The following SPHKAP variants were observed in gnomAD, a reference collection of about 807,000 sequenced individuals.
SPHKAP encodes A-kinase anchor protein SPHKAP.
A neutral mutation model predicts 137.5 loss-of-function variants in SPHKAP; 67 were observed. That is an observed-to-expected ratio of 0.49 (90% CI 0.40 to 0.60). SPHKAP has a LOEUF of 0.60. SPHKAP is among the 20% of genes least tolerant of loss of function. The probability of loss-of-function intolerance (pLI) is 0.00; values close to 1 mark genes in which losing one functional copy is unlikely to be tolerated. For missense variants in SPHKAP, 2,097 were observed against 2,069.3 expected (o/e 1.01, Z -0.26); for synonymous variants, 813 against 785.3 (o/e 1.04, Z -0.59).
chr2:228,121,064 G>T (rs1031781479), intron 2 of SPHKAP, among the ~76,000 whole-genome samples: 7 of 152,156 alleles, frequency 4.6e-5, no homozygotes, highest in Admixed American at 4.6e-4. Context: ...TATATGAAGT[G>T]CGTGAAAGCC....
chr2:227,983,450 G>C (rs2106148914), intron 11 of SPHKAP, among the ~76,000 whole-genome samples: 1 of 152,246 alleles, frequency 6.6e-6, no homozygotes, highest in Middle Eastern at 3.4e-3. Context: ...TTGTGAAAAG[G>C]GAGACAGATG....
In SPHKAP at chr2:228,018,936, G is replaced by A. The variant is rs372529563; in HGVS notation, c.1918C>T (p.Leu640=). 130 of 1,614,030 alleles carry A rather than the reference G, an allele frequency of 8.1e-5. 1 individual carries two copies. The highest frequency in any genetic ancestry group is 1.1e-4 in the Non-Finnish European group (126 of 1,180,018). The change falls in exon 7 of 12, where the codon CTG becomes TTG. Residue 640 remains leucine, a synonymous_variant. Transcript: ENST00000392056. The stretch of plus-strand genomic sequence containing the variant: ...ATGATTCTCCTGTTCATGGAGTCCA[G>A]AAAGTCTCCAATGCTGCTGTAGGTA... ...PNTYSSIGDF[L]DSMNRRIMET... is the part of the protein sequence containing the mutation.
At chr2:228,172,976 A>G in intron 1 of SPHKAP, 1 of 920,644 alleles carries the variant, frequency 1.1e-6, no homozygotes, top group Non-Finnish European at 1.3e-6. Flanking sequence ...GCTTAGAAGT[A>G]CAATTGGAAA....
At chr2:227,991,411 T>A (rs1693410740) in intron 9 of SPHKAP, 85 bp from the exon 10 acceptor site, 1 of 1,603,572 alleles carries the variant, frequency 6.2e-7, no homozygotes, top group Non-Finnish European at 8.5e-7. Flanking sequence ...GTCTTACTGA[T>A]CTAAAAGCTT....
intron 1 of SPHKAP, among the ~76,000 whole-genome samples, chr2:228,156,135 A>G (rs1483913239): frequency 6.6e-6 from 1 of 152,172 alleles, no homozygotes; most frequent in African/African-American, 2.4e-5. Context: ...TTTTATGTAT[A>G]CTTTTAGTGT....
chr2:228,058,223 C>A (rs912336848), intron 3 of SPHKAP, among the ~76,000 whole-genome samples: 1 of 152,210 alleles, frequency 6.6e-6, no homozygotes, highest in African/African-American at 2.4e-5. Context: ...CCCAGCCTGT[C>A]AAGCTTCCAT....
chr2:228,170,113 A>G (rs902854074), intron 1 of SPHKAP, among the ~76,000 whole-genome samples: 20 of 152,120 alleles, frequency 1.3e-4, no homozygotes, highest in African/African-American at 4.8e-4. Flanking sequence ...AGTAAGAACT[A>G]GAATTAAAAA....
chr2:228,050,639 A>G (rs1696220858), intron 3 of SPHKAP, among the ~76,000 whole-genome samples: 1 of 152,196 alleles, frequency 6.6e-6, no homozygotes, highest in Admixed American at 6.5e-5. Flanking sequence ...TATGCTAGAA[A>G]CATTTGAATT....
intron 3 of SPHKAP, among the ~76,000 whole-genome samples, chr2:228,031,368 G>A (rs1486657700): frequency 6.6e-6 from 1 of 152,242 alleles, no homozygotes. Context: ...AAAATGCCAG[G>A]AAGCTCGATC....
intron 3 of SPHKAP, among the ~76,000 whole-genome samples, chr2:228,045,492 G>T (rs952375272): frequency 2.0e-5 from 3 of 150,952 alleles, no homozygotes; most frequent in African/African-American, 7.3e-5. Flanking sequence ...GCAAACTATC[G>T]CAAGGACAAA....
At chr2:228,114,050 A>G (rs1413221568) in intron 2 of SPHKAP, among the ~76,000 whole-genome samples, 1 of 152,158 alleles carries the variant, frequency 6.6e-6, no homozygotes, top group African/African-American at 2.4e-5. Flanking sequence ...TTATGAATAT[A>G]TTCTCCCTGC....
intron 3 of SPHKAP, among the ~76,000 whole-genome samples, chr2:228,050,491 T>A (rs1025022111): frequency 6.6e-6 from 1 of 152,208 alleles, no homozygotes; most frequent in African/African-American, 2.4e-5. Flanking sequence ...TCATCAATGG[T>A]GGATTTGTTA....
chr2:228,029,344 T>C (rs1262318797), intron 3 of SPHKAP, among the ~76,000 whole-genome samples: 1 of 152,236 alleles, frequency 6.6e-6, no homozygotes, highest in Non-Finnish European at 1.5e-5. Flanking sequence ...TCCATCTTTT[T>C]TCTTTTTGAG....
chr2:228,073,249 A>C (rs1241954653), intron 3 of SPHKAP, among the ~76,000 whole-genome samples: 1 of 152,226 alleles, frequency 6.6e-6, no homozygotes, highest in Non-Finnish European at 1.5e-5. Flanking sequence ...ATGGAATGCC[A>C]CATATGAATT....
intron 3 of SPHKAP, among the ~76,000 whole-genome samples, chr2:228,085,783 C>T (rs1339781731): frequency 1.3e-5 from 2 of 152,064 alleles, no homozygotes; most frequent in Non-Finnish European, 2.9e-5. Flanking sequence ...AGTTGGACTC[C>T]ATGTATTATA....
intron 3 of SPHKAP, among the ~76,000 whole-genome samples, chr2:228,042,774 C>T (rs1695900844): frequency 6.6e-6 from 1 of 152,134 alleles, no homozygotes; most frequent in Middle Eastern, 3.2e-3. Flanking sequence ...TATCTACTGA[C>T]CTAAGACATT....
intron 1 of SPHKAP, among the ~76,000 whole-genome samples, chr2:228,151,231 G>A (rs1383571192): frequency 3.3e-5 from 5 of 151,056 alleles, no homozygotes; most frequent in South Asian, 2.1e-4. Flanking sequence ...ATGATTTCCA[G>A]TTTCATCCAT....
chr2:228,098,547 G>T (rs1027148056), intron 3 of SPHKAP, among the ~76,000 whole-genome samples: 1 of 151,990 alleles, frequency 6.6e-6, no homozygotes, highest in Admixed American at 6.5e-5. Context: ...TCACTCATAG[G>T]TGGGAATTGA....
At chr2:228,097,912 T>C (rs1373233126) in intron 3 of SPHKAP, among the ~76,000 whole-genome samples, 1 of 152,208 alleles carries the variant, frequency 6.6e-6, no homozygotes, top group Non-Finnish European at 1.5e-5. Flanking sequence ...ATTCCAGATC[T>C]TTGATATTGT....
Sources: gnomAD v4.1 joint callset for allele counts (sites outside exome capture counted in the v4.1 genomes callset) on GRCh38, gnomAD v4.1.1 for gene constraint, MANE v1.5 for transcripts, NCBI Gene and HGNC (gene_info 2026-07-23, HGNC 2026-07-21) for gene names.